The following MKLN1 variants were observed in gnomAD, a reference collection of about 807,000 sequenced individuals.
The protein encoded by MKLN1 is muskelin 1.
Under a neutral mutation model 99.0 loss-of-function variants are expected in MKLN1, and 18 were observed. The ratio of observed to expected loss-of-function variants is 0.18; its 90% CI spans 0.13 to 0.27. The LOEUF is 0.27. Ranked by LOEUF, MKLN1 falls within the 10% of genes least tolerant of loss-of-function variation. The pLI, the probability that MKLN1 is intolerant of heterozygous loss-of-function variation, is 1.00. For synonymous variants in MKLN1, 288 were observed against 293.2 expected, an observed-to-expected ratio of 0.98 and a Z score of 0.18; for missense variants, 621 against 875.9, an observed-to-expected ratio of 0.71 and a Z score of 3.67.
intron 3 of MKLN1, among the ~76,000 whole-genome samples, chr7:131,265,819 T>G (rs1400327791): frequency 6.6e-6 from 1 of 152,192 alleles, no homozygotes; most frequent in Non-Finnish European, 1.5e-5. Context: ...CTTTCCTTTT[T>G]GGGGAGAGTG....
chr7:131,470,164 GTTTTTTTGT>G (rs1796778986), intron 15 of MKLN1, among the ~76,000 whole-genome samples: 1 of 151,970 alleles, frequency 6.6e-6, no homozygotes, highest in Non-Finnish European at 1.5e-5. Flanking sequence ...ACAGCACCCT[GTTTTTTTGT>G]TTTTTTTGTG....
intron 1 of MKLN1, among the ~76,000 whole-genome samples, chr7:131,370,013 T>G (rs1800297753): frequency 1.3e-5 from 2 of 152,190 alleles, no homozygotes; most frequent in Admixed American, 1.3e-4. Flanking sequence ...ATTTTTTGTA[T>G]TTTTAGTATT....
At chr7:131,356,917 A>C (rs111499311) in intron 1 of MKLN1, among the ~76,000 whole-genome samples, 1 of 152,292 alleles carries the variant, frequency 6.6e-6, no homozygotes, top group African/African-American at 2.4e-5. Flanking sequence ...GGCAGGTTTC[A>C]GAGCAGGAGT....
At chr7:131,332,382 T>G in intron 1 of MKLN1, among the ~76,000 whole-genome samples, 1 of 148,392 alleles carries the variant, frequency 6.7e-6, no homozygotes, top group Non-Finnish European at 1.5e-5. Context: ...TTCTTCTTTG[T>G]CTCTACAAAA....
At position 131,171,521 on chromosome 7, in the gene MKLN1, G is replaced by A. The variant is rs183096435; in HGVS notation, c.-297+28580G>A. ...AGCCAAGGCTGGAGTGCAATGGTGCGTTCTCAGCTCACTGCAACCTCTGCC... is the reference window on the plus strand; with the variant it reads ...AGCCAAGGCTGGAGTGCAATGGTGCATTCTCAGCTCACTGCAACCTCTGCC... On this transcript the variant is annotated intron_variant, in intron 2 of 7. Transcript: ENST00000416992. 2.5e-3 allele frequency among the ~76,000 whole-genome samples: 387 copies of A among 151,932 alleles called. 1 individual carries two copies. The highest frequency in any genetic ancestry group is 8.1e-3 in the African/African-American group (337 of 41,434).
At chr7:131,375,794 A>T (rs1311003641) in intron 2 of MKLN1, among the ~76,000 whole-genome samples, 1 of 151,606 alleles carries the variant, frequency 6.6e-6, no homozygotes, top group African/African-American at 2.4e-5. Context: ...TGACTCAATG[A>T]CTATCTTATG....
chr7:131,415,401 G>A (rs958398268), intron 8 of MKLN1, among the ~76,000 whole-genome samples: 11 of 151,930 alleles, frequency 7.2e-5, no homozygotes, highest in Admixed American at 3.3e-4. Flanking sequence ...ATAGTGCTTC[G>A]GGAATAAAAT....
intron 3 of MKLN1, among the ~76,000 whole-genome samples, chr7:131,237,669 A>T (rs1263999153): frequency 2.6e-5 from 4 of 152,166 alleles, no homozygotes; most frequent in Non-Finnish European, 4.4e-5. Context: ...TTATGATATG[A>T]TGTTCTGTTC....
In MKLN1 at chr7:131,214,071, C is replaced by T. The variant is rs529279764; in HGVS notation, c.-179+11097C>T. 2.6e-5 allele frequency among the ~76,000 whole-genome samples: 4 copies of T among 152,032 alleles called. No homozygotes were observed. In the South Asian group the frequency reaches 8.3e-4, roughly 32 times the overall value. On this transcript the variant is annotated intron_variant, in intron 3 of 7. Coordinates refer to the MKLN1 transcript ENST00000416992. ...AAAGTTTTACTGTTCATATTTAGGT[C>T]TTTAAACCAACTTAAACTTACTGTG... is the stretch of plus-strand genomic sequence containing the variant.
intron 3 of MKLN1, among the ~76,000 whole-genome samples, chr7:131,270,539 C>A (rs1797869840): frequency 6.6e-6 from 1 of 152,164 alleles, no homozygotes; most frequent in Non-Finnish European, 1.5e-5. Flanking sequence ...TAACTTTTCA[C>A]TGGTCCATCT....
chr7:131,450,540 G>A (rs1796148816), intron 12 of MKLN1, among the ~76,000 whole-genome samples: 1 of 152,004 alleles, frequency 6.6e-6, no homozygotes, highest in South Asian at 2.1e-4. Flanking sequence ...CTTTTATGAT[G>A]TGCCCCATTT....
chr7:131,114,808 A>C (rs1399299721), intron 1 of MKLN1, among the ~76,000 whole-genome samples: 1 of 152,044 alleles, frequency 6.6e-6, no homozygotes, highest in Non-Finnish European at 1.5e-5. Context: ...GTAGTGGCAC[A>C]CACCTGTAGT....
At chr7:131,444,723 GTAGT>G (rs1795944872) in intron 11 of MKLN1, among the ~76,000 whole-genome samples, 4 of 20,868 alleles carry the variant, frequency 1.9e-4, no homozygotes, top group South Asian at 1.3e-3. Context: ...GTTTTGAGTA[GTAGT>G]AGTAGTAGTA....
intron 1 of MKLN1, among the ~76,000 whole-genome samples, chr7:131,354,130 A>C (rs1799803681): frequency 6.6e-6 from 1 of 151,984 alleles, no homozygotes. Context: ...TTTATGTGTA[A>C]ATTTCAGAGT....
At chr7:131,152,602 C>T (rs893516308) in intron 2 of MKLN1, among the ~76,000 whole-genome samples, 3 of 150,576 alleles carry the variant, frequency 2.0e-5, no homozygotes, top group East Asian at 1.9e-4. Flanking sequence ...TGGGGTCAAG[C>T]GATTCTCCTG....
At chr7:131,144,936 C>T (rs1422240221) in intron 2 of MKLN1, among the ~76,000 whole-genome samples, 2 of 152,104 alleles carry the variant, frequency 1.3e-5, no homozygotes, top group African/African-American at 4.8e-5. Flanking sequence ...AAGATTGCAC[C>T]ATTGCACTCC....
intron 2 of MKLN1, among the ~76,000 whole-genome samples, chr7:131,193,327 A>G (rs1796594248): frequency 6.6e-6 from 1 of 152,130 alleles, no homozygotes; most frequent in Non-Finnish European, 1.5e-5. Context: ...ACCCAATGGA[A>G]TTTACTAAAT....
chr7:131,293,812 C>A (rs9986733), intron 3 of MKLN1, among the ~76,000 whole-genome samples: 135,101 of 152,176 alleles, frequency 0.89, 60,015 homozygotes, highest in East Asian at 0.96. Flanking sequence ...TCTCTAAGTT[C>A]ATTAATTAAT....
intron 8 of MKLN1, among the ~76,000 whole-genome samples, chr7:131,422,633 A>G (rs890103966): frequency 2.6e-5 from 4 of 152,208 alleles, no homozygotes; most frequent in African/African-American, 7.2e-5. Context: ...AACATGGCTT[A>G]TATTTTAAAG....
Sources: allele counts gnomAD v4.1 joint callset (sites outside exome capture counted in the v4.1 genomes callset), GRCh38; gene constraint gnomAD v4.1.1; transcripts MANE v1.5; gene names NCBI Gene and HGNC (gene_info 2026-07-23, HGNC 2026-07-21).